CSMD1: variants seen among roughly 807,000 people sequenced by gnomAD.
CSMD1 encodes the protein CUB and sushi domain-containing protein 1.
A neutral mutation model predicts 417.5 loss-of-function variants in CSMD1; 213 were observed. The observed-to-expected ratio is 0.51, with a 90% CI of 0.46 to 0.57. The LOEUF (loss-of-function observed/expected upper bound fraction) is 0.57, where lower values mean the gene tolerates loss of function less well. Among genes scored for constraint, CSMD1 ranks in the 20% least tolerant of loss-of-function variants. CSMD1 has a pLI of 0.00. For missense variants in CSMD1, 6,923 were observed against 4,529.7 expected, an observed-to-expected ratio of 1.53 and a Z score of -15.17; for synonymous variants, 2,862 against 1,736.8, an observed-to-expected ratio of 1.65 and a Z score of -16.11.
intron 37 of CSMD1, among the ~76,000 whole-genome samples, chr8:3,163,044 G>C (rs1031811341): frequency 6.6e-6 from 1 of 152,136 alleles, no homozygotes; most frequent in East Asian, 1.9e-4. Flanking sequence ...ATCAAAAATT[G>C]ATTTTGGTTT....
chr8:4,851,146 G>A (rs1801454083), intron 1 of CSMD1, among the ~76,000 whole-genome samples: 2 of 126,916 alleles, frequency 1.6e-5, no homozygotes, highest in African/African-American at 3.0e-5. Flanking sequence ...TCCCCTTCCT[G>A]TGTCCATGTG....
intron 3 of CSMD1, among the ~76,000 whole-genome samples, chr8:4,106,390 G>C (rs115657073): frequency 6.6e-6 from 1 of 152,230 alleles, no homozygotes; most frequent in African/African-American, 2.4e-5. Flanking sequence ...CTGCATAATT[G>C]ATCTGGTAAA....
At chr8:4,962,626 A>C (rs12541982) in intron 1 of CSMD1, among the ~76,000 whole-genome samples, 8 of 152,126 alleles carry the variant, frequency 5.3e-5, no homozygotes, top group Admixed American at 4.6e-4. Flanking sequence ...AGTATTTCTA[A>C]TTTCTCTGCC....
At chr8:2,991,053 T>C (rs967261177) in intron 54 of CSMD1, among the ~76,000 whole-genome samples, 1 of 152,210 alleles carries the variant, frequency 6.6e-6, no homozygotes, top group Non-Finnish European at 1.5e-5. Flanking sequence ...TCAGATAAAC[T>C]TGGGCTCATA....
intron 10 of CSMD1, among the ~76,000 whole-genome samples, chr8:3,533,105 C>T (rs1033442277): frequency 8.5e-5 from 13 of 152,066 alleles, no homozygotes; most frequent in African/African-American, 3.1e-4. Flanking sequence ...ACCATCTTGG[C>T]ATGAAGGAAA....
At chr8:4,502,337 A>G (rs1802301858) in intron 2 of CSMD1, among the ~76,000 whole-genome samples, 2 of 152,142 alleles carry the variant, frequency 1.3e-5, no homozygotes, top group African/African-American at 4.8e-5. Context: ...CATAGATACA[A>G]TGGCAATTCT....
chr8:4,080,841 A>G (rs1030911940), intron 3 of CSMD1, among the ~76,000 whole-genome samples: 5 of 152,176 alleles, frequency 3.3e-5, no homozygotes, highest in African/African-American at 9.7e-5. Context: ...AGGTATTGCT[A>G]TGGATTTCAT....
At chr8:3,930,873 T>G (rs1810091647) in intron 5 of CSMD1, among the ~76,000 whole-genome samples, 1 of 150,694 alleles carries the variant, frequency 6.6e-6, no homozygotes, top group Non-Finnish European at 1.5e-5. Context: ...TACATTTTAG[T>G]CTAGTTTTAA....
intron 6 of CSMD1, among the ~76,000 whole-genome samples, chr8:3,723,564 C>T (rs960754784): frequency 9.9e-5 from 15 of 152,140 alleles, no homozygotes; most frequent in African/African-American, 3.1e-4. Flanking sequence ...GTTACCTAAA[C>T]AATTATTAGA....
At chr8:3,896,515 T>G (rs1047716921) in intron 5 of CSMD1, among the ~76,000 whole-genome samples, 2 of 151,774 alleles carry the variant, frequency 1.3e-5, no homozygotes, top group African/African-American at 4.8e-5. Flanking sequence ...CTATTATTAT[T>G]ATTATTATTA....
chr8:4,103,042 G>C (rs1224447425), intron 3 of CSMD1, among the ~76,000 whole-genome samples: 2 of 152,074 alleles, frequency 1.3e-5, no homozygotes, highest in Non-Finnish European at 2.9e-5. Flanking sequence ...GACTCAGCGG[G>C]TCAGAGAATT....
intron 5 of CSMD1, among the ~76,000 whole-genome samples, chr8:3,797,347 G>A (rs937802845): frequency 4.6e-5 from 7 of 152,030 alleles, no homozygotes; most frequent in African/African-American, 1.7e-4. Flanking sequence ...ACTGTTCACT[G>A]TCACAAGTAG....
chr8:3,357,882 G>A (rs901963683), intron 21 of CSMD1, among the ~76,000 whole-genome samples: 6 of 152,080 alleles, frequency 3.9e-5, no homozygotes, highest in African/African-American at 1.2e-4. Context: ...AAAATATATA[G>A]ATACATGTTT....
intron 1 of CSMD1, among the ~76,000 whole-genome samples, chr8:4,983,453 C>T (rs1350337828): frequency 6.6e-6 from 1 of 152,174 alleles, no homozygotes; most frequent in South Asian, 2.1e-4. Flanking sequence ...CCCTTCAGTT[C>T]TCCAGGACTT....
chr8:3,960,487 C>G (rs953387821), intron 5 of CSMD1, among the ~76,000 whole-genome samples: 2 of 152,066 alleles, frequency 1.3e-5, no homozygotes, highest in Admixed American at 1.3e-4. Flanking sequence ...CCTTTAAAGA[C>G]TGATTCTTAT....
intron 3 of CSMD1, among the ~76,000 whole-genome samples, chr8:4,275,637 C>G (rs1207817587): frequency 6.6e-6 from 1 of 152,096 alleles, no homozygotes; most frequent in Non-Finnish European, 1.5e-5. Flanking sequence ...ATGTGCACAT[C>G]TTCCTAAAAA....
At chr8:4,949,117 G>C (rs991417213) in intron 1 of CSMD1, among the ~76,000 whole-genome samples, 2 of 152,142 alleles carry the variant, frequency 1.3e-5, no homozygotes, top group Non-Finnish European at 1.5e-5. Flanking sequence ...GTGGTAAATG[G>C]TAAAGGTTTT....
intron 1 of CSMD1, among the ~76,000 whole-genome samples, chr8:4,685,973 C>A (rs1441074951): frequency 1.3e-5 from 2 of 152,192 alleles, no homozygotes; most frequent in African/African-American, 4.8e-5. Flanking sequence ...CAAATAAAAA[C>A]GGCAAAGACT....
At chr8:4,184,565 C>T (rs766315774) in intron 3 of CSMD1, among the ~76,000 whole-genome samples, 11 of 151,830 alleles carry the variant, frequency 7.2e-5, no homozygotes, top group Non-Finnish European at 1.5e-4. Flanking sequence ...TTTGCATGAG[C>T]ATGGATGGAG....
Sources: allele counts gnomAD v4.1 joint callset (sites outside exome capture counted in the v4.1 genomes callset), GRCh38; gene constraint gnomAD v4.1.1; transcripts MANE v1.5; gene names NCBI Gene and HGNC (gene_info 2026-07-23, HGNC 2026-07-21).